KCNU1: variants seen among roughly 807,000 people sequenced by gnomAD.
KCNU1 encodes potassium calcium-activated channel subfamily U member 1.
Under a neutral mutation model 126.8 loss-of-function variants are expected in KCNU1, and 93 were observed. The ratio of observed to expected loss-of-function variants is 0.73; its 90% confidence interval spans 0.62 to 0.87. The LOEUF (loss-of-function observed/expected upper bound fraction) is 0.87, where lower values mean the gene tolerates loss of function less well. Ranked by LOEUF, KCNU1 falls within the 40% of genes least tolerant of loss-of-function variation. KCNU1 has a pLI of 0.00. For synonymous variants in KCNU1, 523 were observed against 494.2 expected (o/e 1.06, Z -0.77); for missense variants, 1,330 against 1,367.1 (o/e 0.97, Z 0.43).
chr8:36,931,129 T>A lies in KCNU1; in HGVS notation c.2915T>A (p.Ile972Asn), dbSNP rs753947223. The change falls in exon 25 of 27, where the codon ATT becomes AAT. Residue 972 changes from isoleucine (I) to asparagine (N), a missense_variant. Transcript: ENST00000399881. ...KLGLLSLHETILSDVNPRNTF... is the reference protein window; with the variant it reads ...KLGLLSLHETNLSDVNPRNTF... ...GGGCTTCTGTCCTTACACGAAACCATTTTATCAGACGTTAATGTGAGTCTA... is the reference window on the plus strand; with the variant it reads ...GGGCTTCTGTCCTTACACGAAACCAATTTATCAGACGTTAATGTGAGTCTA... 1.2e-6 allele frequency: 2 copies of A among 1,606,814 alleles called. No individual in the cohort carries two copies. The highest frequency in any genetic ancestry group is 4.5e-5 in the East Asian group (2 of 44,662).
chr8:36,819,996 G>A (rs1563275489), intron 10 of KCNU1, among the ~76,000 whole-genome samples: 1 of 152,144 alleles, frequency 6.6e-6, no homozygotes, highest in Non-Finnish European at 1.5e-5. Flanking sequence ...AGAGCCCTGA[G>A]TCATCATGTA....
At chr8:36,860,764 G>T (rs953501679) in intron 18 of KCNU1, among the ~76,000 whole-genome samples, 2 of 152,076 alleles carry the variant, frequency 1.3e-5, no homozygotes, top group South Asian at 4.2e-4. Context: ...AAATCTAATG[G>T]AAAGCAGAAT....
intron 12 of KCNU1, among the ~76,000 whole-genome samples, chr8:36,835,303 G>A (rs1338955675): frequency 6.6e-6 from 1 of 151,494 alleles, no homozygotes; most frequent in Non-Finnish European, 1.5e-5. Context: ...GGTATGACGT[G>A]CTTTTTGTTT....
chr8:36,840,904 C>T, intron 15 of KCNU1, 28 bp from the exon 16 acceptor site: 1 of 1,543,946 alleles, frequency 6.5e-7, no homozygotes, highest in South Asian at 1.1e-5. Flanking sequence ...CGCTTGCTCT[C>T]CTTTTGACTC....
At chr8:36,880,749 T>G (rs1044175040) in intron 19 of KCNU1, among the ~76,000 whole-genome samples, 12 of 152,148 alleles carry the variant, frequency 7.9e-5, no homozygotes, top group African/African-American at 2.9e-4. Context: ...CAAATGCATG[T>G]TTTTCCTGAG....
At chr8:36,863,530 T>C (rs1038667080) in intron 18 of KCNU1, among the ~76,000 whole-genome samples, 1 of 152,150 alleles carries the variant, frequency 6.6e-6, no homozygotes. Flanking sequence ...CTTTGAAAAT[T>C]GAAGAGAAGC....
At chr8:36,785,111 A>C (rs1350876482) in intron 1 of KCNU1, among the ~76,000 whole-genome samples, 1 of 152,256 alleles carries the variant, frequency 6.6e-6, no homozygotes, top group Non-Finnish European at 1.5e-5. Context: ...CCATGCATAC[A>C]TGCCTGTGCC....
intron 10 of KCNU1, among the ~76,000 whole-genome samples, chr8:36,829,075 T>C (rs917795098): frequency 1.3e-5 from 2 of 152,136 alleles, no homozygotes; most frequent in African/African-American, 4.8e-5. Flanking sequence ...CGTGACATAC[T>C]CATCCATGTG....
intron 18 of KCNU1, among the ~76,000 whole-genome samples, chr8:36,848,685 C>G (rs910698419): frequency 3.9e-5 from 6 of 152,172 alleles, no homozygotes; most frequent in African/African-American, 1.4e-4. Flanking sequence ...ACATTTCTCC[C>G]CGCGTACAGA....
chr8:36,867,488 T>C (rs1585483813), intron 19 of KCNU1, among the ~76,000 whole-genome samples: 1 of 152,338 alleles, frequency 6.6e-6, no homozygotes, highest in East Asian at 1.9e-4. Flanking sequence ...ACTATGTTTA[T>C]GTTAATGCAA....
At chr8:36,915,797 C>T (rs900504340) in intron 22 of KCNU1, among the ~76,000 whole-genome samples, 1 of 152,170 alleles carries the variant, frequency 6.6e-6, no homozygotes, top group African/African-American at 2.4e-5. Flanking sequence ...TGACTATCCT[C>T]TAAAGTTTGG....
chr8:36,790,122 A>G (rs1387286697), intron 2 of KCNU1, among the ~76,000 whole-genome samples: 1 of 152,234 alleles, frequency 6.6e-6, no homozygotes, highest in Non-Finnish European at 1.5e-5. Flanking sequence ...GTAAGCCAGG[A>G]AAATGATGGT....
At chr8:36,917,054 T>C (rs1808138987) in intron 22 of KCNU1, among the ~76,000 whole-genome samples, 1 of 152,150 alleles carries the variant, frequency 6.6e-6, no homozygotes, top group Non-Finnish European at 1.5e-5. Context: ...CATCTTCCCA[T>C]TGTCTGTTTT....
chr8:36,815,552 C>A, intron 8 of KCNU1, 44 bp from the exon 9 acceptor site: 1 of 1,036,882 alleles, frequency 9.6e-7, no homozygotes, highest in South Asian at 1.6e-5. Context: ...GAGTATCCAT[C>A]AAAATAATGA....
intron 5 of KCNU1, among the ~76,000 whole-genome samples, 188 bp from the exon 6 acceptor site, chr8:36,807,187 T>C (rs532577248): frequency 1.3e-5 from 2 of 152,300 alleles, no homozygotes; most frequent in South Asian, 4.1e-4. Context: ...GGGATTGCCT[T>C]AGGTTACAAC....
chr8:36,866,735 G>A (rs2117347192), intron 19 of KCNU1, among the ~76,000 whole-genome samples: 1 of 152,170 alleles, frequency 6.6e-6, no homozygotes, highest in South Asian at 2.1e-4. Flanking sequence ...CTGTCTAGAT[G>A]GGTGAACAAG....
intron 19 of KCNU1, among the ~76,000 whole-genome samples, chr8:36,890,784 A>C (rs1313651195): frequency 6.6e-6 from 1 of 151,958 alleles, no homozygotes; most frequent in African/African-American, 2.4e-5. Context: ...TGGACAGATT[A>C]AAAATAAAAT....
At position 36,836,329 on chromosome 8, in the gene KCNU1, C is replaced by A. The variant is rs768049967; in HGVS notation, c.1329C>A (p.Thr443=). Reference sequence around the variant, plus strand: ...CTATCAAGAACTATGATTCTACCACCAGAATCATCATACAGATACTGCAAT... The same window carrying A: ...CTATCAAGAACTATGATTCTACCACAAGAATCATCATACAGATACTGCAAT... ...VLSIKNYDST[T]RIIIQILQSH... Residue 443 remains threonine (T), a synonymous_variant, in exon 13 of 27, where the codon ACC becomes ACA. Coordinates refer to ENST00000399881, the MANE Select transcript of KCNU1 (RefSeq NM_001031836.3). The A allele has an allele frequency of 1.2e-6, 2 of 1,606,752 alleles. No individual in the cohort carries two copies. Among genetic ancestry groups the A allele is most frequent in the Non-Finnish European group, 8.5e-7 (1 of 1,174,186 alleles).
intron 19 of KCNU1, among the ~76,000 whole-genome samples, chr8:36,882,521 T>A (rs556938867): frequency 6.6e-6 from 1 of 152,302 alleles, no homozygotes; most frequent in South Asian, 2.1e-4. Context: ...GACATTTGCA[T>A]AAACCCCATC....
Sources: allele counts gnomAD v4.1 joint callset (sites outside exome capture counted in the v4.1 genomes callset), GRCh38; gene constraint gnomAD v4.1.1; transcripts MANE v1.5; gene names NCBI Gene and HGNC (gene_info 2026-07-23, HGNC 2026-07-21).